The following GRK3 variants were observed in gnomAD, a reference collection of about 807,000 sequenced individuals.
GRK3 encodes the protein G protein-coupled receptor kinase 3.
In GRK3, 54 loss-of-function variants were observed where a neutral mutation model predicts 95.7. That is an observed-to-expected ratio of 0.56 (90% CI 0.45 to 0.71). The LOEUF is 0.71. Among genes scored for constraint, GRK3 ranks in the 30% least tolerant of loss-of-function variants. The probability of loss-of-function intolerance (pLI) is 0.00; values close to 1 mark genes in which losing one functional copy is unlikely to be tolerated. For missense variants in GRK3, 649 were observed against 851.2 expected (o/e 0.76, Z 2.96); for synonymous variants, 281 against 290.8 (o/e 0.97, Z 0.34).
At chr22:25,636,739 T>C (rs2084704352) in intron 2 of GRK3, among the ~76,000 whole-genome samples, 1 of 152,232 alleles carries the variant, frequency 6.6e-6, no homozygotes, top group Non-Finnish European at 1.5e-5. Context: ...AGCATTTTTC[T>C]GATTTTTTTT....
intron 15 of GRK3, 100 bp from the exon 16 acceptor site, chr22:25,709,798 A>G: frequency 1.3e-6 from 1 of 797,032 alleles, no homozygotes; most frequent in Non-Finnish European, 2.1e-6. Flanking sequence ...AAAAGTGGAA[A>G]TACTTGCTCC....
intron 1 of GRK3, among the ~76,000 whole-genome samples, chr22:25,582,865 A>G (rs1175495666): frequency 6.6e-6 from 1 of 152,354 alleles, no homozygotes; most frequent in East Asian, 1.9e-4. Flanking sequence ...ATTGTGGAGT[A>G]CAGATACTCT....
At chr22:25,620,199 G>C (rs2084573930) in intron 2 of GRK3, among the ~76,000 whole-genome samples, 1 of 152,170 alleles carries the variant, frequency 6.6e-6, no homozygotes, top group African/African-American at 2.4e-5. Context: ...TGTATATATA[G>C]AGAGGCTGGA....
At chr22:25,569,118 G>A (rs555923680) in intron 1 of GRK3, among the ~76,000 whole-genome samples, 1 of 152,180 alleles carries the variant, frequency 6.6e-6, no homozygotes, top group African/African-American at 2.4e-5. Context: ...TGTCTTCACT[G>A]TCCTGTGCTC....
chr22:25,666,478 C>T (rs1249579422), intron 5 of GRK3, among the ~76,000 whole-genome samples: 1 of 152,188 alleles, frequency 6.6e-6, no homozygotes, highest in African/African-American at 2.4e-5. Context: ...CCTCTTTCAC[C>T]ACAAAGGGGA....
rs368642999 is a variant in GRK3 at position 25,696,589 on chromosome 22, A to G, written c.1160+1375A>G. Among the ~76,000 whole-genome samples, 11 of 152,300 alleles carry G rather than the reference A, an allele frequency of 7.2e-5. No homozygotes were observed. The East Asian group carries it at 2.1e-3, about 29-fold the overall frequency. On this transcript the variant is annotated intron_variant, in intron 13 of 20. Coordinates refer to ENST00000324198, the MANE Select transcript of GRK3 (RefSeq NM_005160.4). ...TTTCCTAGTTAAGATTTTCCTTTTA[A>G]TATTTTCATATGAACACAGTCCCGA...
chr22:25,648,247 G>A, intron 3 of GRK3: 1 of 795,062 alleles, frequency 1.3e-6, no homozygotes, highest in African/African-American at 1.7e-5. Flanking sequence ...CACAAAATTA[G>A]GAAACTTGAC....
intron 2 of GRK3, among the ~76,000 whole-genome samples, chr22:25,638,105 C>T (rs915380328): frequency 5.3e-5 from 8 of 152,300 alleles, no homozygotes; most frequent in Admixed American, 3.9e-4. Context: ...CCTTACACCA[C>T]GATTAATCTC....
chr22:25,611,553 G>C (rs192731442), intron 2 of GRK3, among the ~76,000 whole-genome samples: 1 of 152,200 alleles, frequency 6.6e-6, no homozygotes, highest in East Asian at 1.9e-4. Context: ...GTCTTGATTT[G>C]TGATTCTCCA....
At chr22:25,609,002 T>C (rs1481760638) in intron 2 of GRK3, among the ~76,000 whole-genome samples, 21 of 152,236 alleles carry the variant, frequency 1.4e-4, no homozygotes, top group Non-Finnish European at 7.3e-5. Flanking sequence ...TATCCTTATA[T>C]AGAAATTTTA....
intron 16 of GRK3, 123 bp downstream of exon 16, chr22:25,710,087 C>T (rs1008539688): frequency 1.6e-5 from 12 of 751,738 alleles, no homozygotes; most frequent in Non-Finnish European, 2.9e-5. Flanking sequence ...GTCTCCCCAG[C>T]ATCCCCACCA....
intron 15 of GRK3, among the ~76,000 whole-genome samples, chr22:25,706,555 G>A (rs937739308): frequency 3.3e-5 from 5 of 151,762 alleles, no homozygotes; most frequent in African/African-American, 1.2e-4. Context: ...TTTTGAGATT[G>A]AGTCTCGCTC....
chr22:25,703,107 G>T, intron 13 of GRK3: 1 of 287,022 alleles, frequency 3.5e-6, no homozygotes, highest in Non-Finnish European at 6.9e-6. Flanking sequence ...GCTGTTTGAG[G>T]GACCAATATC....
At chr22:25,568,972 A>T (rs1931590399) in intron 1 of GRK3, among the ~76,000 whole-genome samples, 1 of 152,180 alleles carries the variant, frequency 6.6e-6, no homozygotes, top group South Asian at 2.1e-4. Flanking sequence ...CACCACATGT[A>T]ATTGATCTTT....
intron 15 of GRK3, among the ~76,000 whole-genome samples, chr22:25,707,877 C>T (rs1158104742): frequency 2.0e-5 from 3 of 151,962 alleles, no homozygotes; most frequent in Non-Finnish European, 2.9e-5. Flanking sequence ...CCTGGTGCCT[C>T]GGTGTTTCTG....
chr22:25,674,354 G>A (rs989866260), intron 7 of GRK3, 83 bp from the exon 8 acceptor site: 1 of 1,091,394 alleles, frequency 9.2e-7, no homozygotes, highest in Admixed American at 1.9e-5. Context: ...TTTAATTACT[G>A]TCTATGTTTT....
At chr22:25,628,534 A>G (rs907201415) in intron 2 of GRK3, among the ~76,000 whole-genome samples, 8 of 152,228 alleles carry the variant, frequency 5.3e-5, no homozygotes, top group Admixed American at 4.6e-4. Flanking sequence ...GCTCCTCCTG[A>G]CTGGTATAGG....
intron 1 of GRK3, among the ~76,000 whole-genome samples, chr22:25,568,798 C>A (rs922329539): frequency 6.6e-6 from 1 of 152,094 alleles, no homozygotes; most frequent in Non-Finnish European, 1.5e-5. Flanking sequence ...ACTCTATATG[C>A]ATAGAATATA....
At chr22:25,713,348 A>C (rs1182644566) in intron 17 of GRK3, among the ~76,000 whole-genome samples, 30 of 152,182 alleles carry the variant, frequency 2.0e-4, no homozygotes. Flanking sequence ...AGAAAACAGA[A>C]AGAGGAAAAA....
Sources: gnomAD v4.1 joint callset for allele counts (sites outside exome capture counted in the v4.1 genomes callset) on GRCh38, gnomAD v4.1.1 for gene constraint, MANE v1.5 for transcripts, NCBI Gene and HGNC (gene_info 2026-07-23, HGNC 2026-07-21) for gene names.